ROBO2: variants seen among roughly 807,000 people sequenced by gnomAD.
The protein encoded by ROBO2 is roundabout homolog 2.
In ROBO2, 53 loss-of-function variants were observed where a neutral mutation model predicts 160.8. The observed-to-expected ratio is 0.33, with a 90% confidence interval of 0.26 to 0.41. ROBO2 has a LOEUF of 0.41. Ranked by LOEUF, ROBO2 falls within the 10% of genes least tolerant of loss-of-function variation. ROBO2 has a pLI of 1.00. For synonymous variants in ROBO2, 664 were observed against 611.7 expected (o/e 1.09, Z -1.26); for missense variants, 1,577 against 1,722.4 (o/e 0.92, Z 1.49).
At chr3:76,943,579 T>C (rs956583700) in intron 2 of ROBO2, among the ~76,000 whole-genome samples, 3 of 152,160 alleles carry the variant, frequency 2.0e-5, no homozygotes, top group Admixed American at 6.5e-5. Flanking sequence ...AACTAGAAAA[T>C]AGTGACTATA....
At position 76,950,294 on chromosome 3, in the gene ROBO2, G is replaced by A. The variant is rs1334868328; in HGVS notation, c.110-147720G>A. ...GGAATTCTCCATCCTTTCCAAAAGC[G>A]GAATCCTTTACCTCCTACTCAAAAA... On this transcript the variant is annotated intron_variant, in intron 2 of 26. Coordinates refer to the ROBO2 transcript ENST00000487694. 7.2e-5 allele frequency among the ~76,000 whole-genome samples: 11 copies of A among 152,196 alleles called. No homozygotes were observed. The East Asian group carries it at 1.4e-3, about 19-fold the overall frequency.
At chr3:76,386,678 C>G (rs2076906683) in intron 2 of ROBO2, among the ~76,000 whole-genome samples, 1 of 151,850 alleles carries the variant, frequency 6.6e-6, no homozygotes, top group Non-Finnish European at 1.5e-5. Flanking sequence ...AAATGCTGGG[C>G]TACGGTATCA....
chr3:76,591,378 A>T (rs1163459393), intron 2 of ROBO2, among the ~76,000 whole-genome samples: 1 of 152,136 alleles, frequency 6.6e-6, no homozygotes, highest in African/African-American at 2.4e-5. Flanking sequence ...CCAGGCATAC[A>T]TGGGCCTATG....
chr3:77,520,997 T>C (rs2090535964), intron 5 of ROBO2, among the ~76,000 whole-genome samples: 1 of 151,320 alleles, frequency 6.6e-6, no homozygotes, highest in Admixed American at 6.6e-5. Flanking sequence ...TTGGCCTTTA[T>C]ATCAGTAGGA....
intron 3 of ROBO2, among the ~76,000 whole-genome samples, chr3:77,477,992 AT>A (rs1042511368): frequency 6.6e-6 from 1 of 151,606 alleles, no homozygotes; most frequent in Non-Finnish European, 1.5e-5. Context: ...ACGCCCAGCT[AT>A]TTTTTGTATT....
intron 2 of ROBO2, among the ~76,000 whole-genome samples, chr3:77,285,528 AC>A (rs1303511853): frequency 6.6e-6 from 1 of 152,044 alleles, no homozygotes; most frequent in Non-Finnish European, 1.5e-5. Flanking sequence ...CTCCTATACC[AC>A]CTTGAATACG....
chr3:77,081,088 G>A (rs559548946), intron 1 of ROBO2, among the ~76,000 whole-genome samples: 1 of 152,014 alleles, frequency 6.6e-6, no homozygotes, highest in Non-Finnish European at 1.5e-5. Context: ...GACATCTATG[G>A]GCTAGTTTAT....
At chr3:76,510,788 A>G (rs1203838640) in intron 2 of ROBO2, among the ~76,000 whole-genome samples, 1 of 152,122 alleles carries the variant, frequency 6.6e-6, no homozygotes, top group African/African-American at 2.4e-5. Flanking sequence ...AAAACACTGC[A>G]TAAAACTATA....
chr3:77,201,368 G>A (rs896132539), intron 2 of ROBO2, among the ~76,000 whole-genome samples: 1 of 152,164 alleles, frequency 6.6e-6, no homozygotes, highest in Non-Finnish European at 1.5e-5. Flanking sequence ...TTTCCAGAAA[G>A]CAGCAAACTC....
At chr3:77,436,453 T>G (rs528220638) in intron 2 of ROBO2, among the ~76,000 whole-genome samples, 1 of 152,006 alleles carries the variant, frequency 6.6e-6, no homozygotes, top group African/African-American at 2.4e-5. Flanking sequence ...TTTTTCTTTT[T>G]TATTCCTCTA....
At chr3:76,709,527 G>T (rs1190472083) in intron 2 of ROBO2, among the ~76,000 whole-genome samples, 1 of 152,150 alleles carries the variant, frequency 6.6e-6, no homozygotes, top group African/African-American at 2.4e-5. Flanking sequence ...ACACATACCT[G>T]TGAATGGAGC....
intron 2 of ROBO2, among the ~76,000 whole-genome samples, chr3:77,126,293 A>G (rs1404107767): frequency 6.6e-6 from 1 of 152,216 alleles, no homozygotes; most frequent in African/African-American, 2.4e-5. Flanking sequence ...ATATATGACC[A>G]TTAAATAGAA....
rs1196471567 is a variant in ROBO2, at chr3:76,730,224, C to T, written c.110-367790C>T. Among the ~76,000 whole-genome samples the T allele has an allele frequency of 1.7e-4, 13 of 75,208 alleles. 1 individual carries two copies. The highest frequency in any genetic ancestry group is 3.3e-4 in the African/African-American group (8 of 24,116). 49.3% of individuals were successfully genotyped at this position (75,208 alleles called of 152,430 possible). A position where few individuals can be genotyped will look rare whatever the true frequency, so the allele number is the denominator to read the frequency against. ...CTTGTCCTCACCTCCTACTCCCTAC[C>T]CACCTCTCCTCACCTCCTACTCCCT... On this transcript the variant is annotated intron_variant, in intron 2 of 26. Coordinates refer to the ROBO2 transcript ENST00000487694.
At chr3:77,645,068 A>G (rs912842128) in intron 25 of ROBO2, among the ~76,000 whole-genome samples, 164 bp downstream of exon 27, 6 of 152,232 alleles carry the variant, frequency 3.9e-5, no homozygotes, top group Admixed American at 2.6e-4. Context: ...GGCCATTGCT[A>G]TATTTATTGA....
chr3:77,170,649 T>C (rs2150738517), intron 2 of ROBO2, among the ~76,000 whole-genome samples: 1 of 152,288 alleles, frequency 6.6e-6, no homozygotes, highest in South Asian at 2.1e-4. Flanking sequence ...AATTATGGTT[T>C]CTATTTAAAT....
intron 2 of ROBO2, among the ~76,000 whole-genome samples, chr3:76,109,366 G>A (rs887215015): frequency 6.6e-6 from 1 of 152,040 alleles, no homozygotes. Context: ...GGCAGTATGG[G>A]TTTGAAAATT....
chr3:77,549,720 C>T (rs545842494), intron 7 of ROBO2, among the ~76,000 whole-genome samples: 4 of 152,006 alleles, frequency 2.6e-5, no homozygotes, highest in Admixed American at 1.3e-4. Flanking sequence ...AGTGTTAATA[C>T]CCTATTTTAT....
At chr3:76,215,248 G>A (rs899057526) in intron 2 of ROBO2, among the ~76,000 whole-genome samples, 5 of 152,034 alleles carry the variant, frequency 3.3e-5, no homozygotes, top group Non-Finnish European at 4.4e-5. Context: ...TCTAAAAATC[G>A]AGCACCTCTC....
intron 2 of ROBO2, among the ~76,000 whole-genome samples, chr3:76,182,024 G>T (rs1390446586): frequency 6.6e-6 from 1 of 152,122 alleles, no homozygotes; most frequent in Non-Finnish European, 1.5e-5. Context: ...GAGTTTTTGA[G>T]TTCAGTGTAT....
Sources: gnomAD v4.1 joint callset for allele counts (sites outside exome capture counted in the v4.1 genomes callset) on GRCh38, gnomAD v4.1.1 for gene constraint, MANE v1.5 for transcripts, NCBI Gene and HGNC (gene_info 2026-07-23, HGNC 2026-07-21) for gene names.